The following MYCBP2 variants were observed in gnomAD, a reference collection of about 807,000 sequenced individuals.
MYCBP2 encodes the protein E3 ubiquitin-protein ligase MYCBP2.
Under a neutral mutation model 525.3 loss-of-function variants are expected in MYCBP2, and 120 were observed. The ratio of observed to expected loss-of-function variants is 0.23; its 90% CI spans 0.20 to 0.27. The LOEUF is 0.27. Among genes scored for constraint, MYCBP2 ranks in the 10% least tolerant of loss-of-function variants. The probability of loss-of-function intolerance (pLI) is 1.00; values close to 1 mark genes in which losing one functional copy is unlikely to be tolerated. For missense variants in MYCBP2, 4,149 were observed against 5,657.1 expected (o/e 0.73, Z 8.55); for synonymous variants, 1,894 against 1,955.8 (o/e 0.97, Z 0.83).
chr13:77,191,868 T>G, intron 27 of MYCBP2, 55 bp from the exon 28 acceptor site: 1 of 1,550,736 alleles, frequency 6.4e-7, no homozygotes, highest in South Asian at 1.2e-5. Flanking sequence ...CTGTCACATA[T>G]ATTTATTTTT....
intron 54 of MYCBP2, among the ~76,000 whole-genome samples, chr13:77,124,036 T>C (rs2154162601): frequency 6.6e-6 from 1 of 152,298 alleles, no homozygotes; most frequent in Admixed American, 6.5e-5. Flanking sequence ...CCATATCATC[T>C]TAGACTAAAA....
In MYCBP2 at chr13:77,160,539, T is replaced by A. The variant is rs907972672; in HGVS notation, c.6597+1367A>T. ...CAAGGTCTGGGTACCAGCCTTTGTT[T>A]CCCTTCTGAGTCTTCAAGAAGTCAC... is the stretch of plus-strand genomic sequence containing the variant. On this transcript the variant is annotated intron_variant, in intron 44 of 82. Coordinates refer to ENST00000544440, the MANE Select transcript of MYCBP2 (RefSeq NM_015057.5). 9.2e-5 allele frequency among the ~76,000 whole-genome samples: 14 copies of A among 152,348 alleles called. No homozygotes were observed. The East Asian group carries it at 1.7e-3, about 19-fold the overall frequency.
intron 8 of MYCBP2, 96 bp from the exon 9 acceptor site, chr13:77,264,098 G>T: frequency 2.3e-6 from 2 of 872,940 alleles, no homozygotes; most frequent in South Asian, 1.8e-5. Flanking sequence ...AGTTCTCCAC[G>T]CAATAAGGAT....
At chr13:77,225,241 C>G (rs1285176032) in intron 19 of MYCBP2, among the ~76,000 whole-genome samples, 194 bp downstream of exon 19, 1 of 152,144 alleles carries the variant, frequency 6.6e-6, no homozygotes, top group Non-Finnish European at 1.5e-5. Context: ...GATCTCTAGA[C>G]AAGTACCTGT....
Position 77,090,146 on chromosome 13 carries a change from A to C in MYCBP2, c.10485T>G (p.Val3495=). 1.2e-6 allele frequency: 2 copies of C among 1,612,562 alleles called. No homozygotes were observed. The highest frequency in any genetic ancestry group is 1.3e-5 in the African/African-American group (1 of 74,946). ...TAACTCTTCTTCTAGGAATAGCTTT[A>C]ACTCGTGCAGGTAAAATGGAGTGTT... ...DKQHSILPAR[V]KAIPRRRVNS... The change falls in exon 60 of 83, where the codon GTT becomes GTG. Residue 3495 remains valine, a synonymous_variant. Coordinates refer to ENST00000544440, the MANE Select transcript of MYCBP2 (RefSeq NM_015057.5).
chr13:77,083,702 ATT>A (rs1261111190), intron 62 of MYCBP2, among the ~76,000 whole-genome samples: 2 of 152,116 alleles, frequency 1.3e-5, no homozygotes, highest in African/African-American at 2.4e-5. Context: ...GTTGAATTTC[ATT>A]TCTCATTACA....
At chr13:77,293,493 G>A (rs1036896189) in intron 2 of MYCBP2, among the ~76,000 whole-genome samples, 1 of 152,116 alleles carries the variant, frequency 6.6e-6, no homozygotes, top group Non-Finnish European at 1.5e-5. Flanking sequence ...AGATATGGTA[G>A]GTAAATAATA....
At position 77,225,545 on chromosome 13, in the gene MYCBP2, C is replaced by T. The variant is rs769346215; in HGVS notation, c.2747G>A (p.Gly916Glu). Residue 916 changes from glycine to glutamate, a missense_variant, in exon 19 of 83, where the codon GGA (glycine) becomes GAA (glutamate). Gly to Glu is a moderately conservative substitution (Grantham distance 98). Coordinates refer to ENST00000544440, the MANE Select transcript of MYCBP2 (RefSeq NM_015057.5). ...GCTTGCATCCTTTTCGCCTCTTTCT[C>T]CACTTCCATCTGCAAGTGTTATAAT... ...HKRDKHKDGS[G>E]ERGEKDASKI... The T allele has an allele frequency of 1.9e-6, 3 of 1,613,464 alleles. No homozygotes were observed. Among genetic ancestry groups the T allele is most frequent in the Admixed American group, 3.3e-5 (2 of 59,916 alleles).
Position 77,051,984 on chromosome 13 carries a change from T to A in MYCBP2, c.13648-66A>T. On this transcript the variant is annotated intron_variant, in intron 80 of 82. Coordinates refer to ENST00000544440, the MANE Select transcript of MYCBP2 (RefSeq NM_015057.5). The stretch of plus-strand genomic sequence containing the variant: ...AAACTCTGGCATGGGAGATACAGTA[T>A]GGGCATAGTGAAAGTAAGATCTAGG... 3.3e-6 allele frequency: 4 copies of A among 1,197,348 alleles called. No homozygotes were observed. In the South Asian group the frequency reaches 5.1e-5, roughly 15 times the overall value. The allele number at this position is 1,197,348 out of a possible 1,614,324, so 74.2% of individuals were successfully genotyped here. A position where few individuals can be genotyped will look rare whatever the true frequency, so the allele number is the denominator to read the frequency against.
chr13:77,060,742 C>A (rs887616157), intron 76 of MYCBP2, among the ~76,000 whole-genome samples: 50 of 152,158 alleles, frequency 3.3e-4, no homozygotes, highest in South Asian at 8.3e-4. Context: ...ACAAAAACCT[C>A]TAAATATCAT....
At chr13:77,120,521 T>C (rs2050509299) in intron 55 of MYCBP2, among the ~76,000 whole-genome samples, 1 of 152,228 alleles carries the variant, frequency 6.6e-6, no homozygotes, top group African/African-American at 2.4e-5. Context: ...TCAAGTCCTG[T>C]GAATTAATTT....
chr13:77,196,049 G>A (rs748154888), intron 26 of MYCBP2, among the ~76,000 whole-genome samples: 54 of 152,194 alleles, frequency 3.5e-4, no homozygotes, highest in Admixed American at 2.6e-4. Flanking sequence ...GTCTATGGTT[G>A]GGAATTGAAT....
rs758706839 is a variant in MYCBP2, at chr13:77,062,655, G to A, written c.12715C>T (p.His4239Tyr). ...CTCCCCGAGGAGAGACGATCTACGT[G>A]GTCCTGATCAAGAACACATAGGGAT... ...LASLCVLDQD[H>Y]VDRLSSGRWM... is the part of the protein sequence containing the mutation. Residue 4239 changes from histidine to tyrosine, a missense_variant, in exon 74 of 83, where the codon CAC (histidine) becomes TAC (tyrosine). By Grantham distance (83) the His-to-Tyr change is moderately conservative. Around this residue, in one of 21 missense-constraint regions of MYCBP2, gnomAD observed 220 missense variants for 396.0 expected, o/e 0.56. Transcript: ENST00000544440. 2 of 1,614,102 alleles carry A rather than the reference G, an allele frequency of 1.2e-6. No homozygotes were observed. Among genetic ancestry groups the A allele is most frequent in the Admixed American group, 1.7e-5 (1 of 60,016 alleles).
rs2067792038 is a variant in MYCBP2, at chr13:77,235,525, C to T, written c.2630-2262G>A. Among the ~76,000 whole-genome samples, 3 of 151,994 alleles carry T rather than the reference C, an allele frequency of 2.0e-5. No homozygotes were observed. In the South Asian group the frequency reaches 6.2e-4, roughly 32 times the overall value. On this transcript the variant is annotated intron_variant, in intron 17 of 82. Coordinates refer to ENST00000544440, the MANE Select transcript of MYCBP2 (RefSeq NM_015057.5). ...TTGCTTGGAGAGGTATGCAAAAAAA[C>T]AGATAATTAAAACCTTTTTATACCA...
intron 22 of MYCBP2, among the ~76,000 whole-genome samples, 163 bp from the exon 23 acceptor site, chr13:77,211,483 C>T (rs887929671): frequency 2.0e-5 from 3 of 151,886 alleles, no homozygotes; most frequent in Non-Finnish European, 4.4e-5. Flanking sequence ...GGAATAAAAC[C>T]TCAAGATGTC....
At chr13:77,233,033 G>A in intron 18 of MYCBP2, 123 bp downstream of exon 18, 1 of 758,952 alleles carries the variant, frequency 1.3e-6, no homozygotes. Context: ...TTTCTCCTCA[G>A]GCTACATCAT....
chr13:77,239,221 C>T (rs1424367878), intron 17 of MYCBP2, among the ~76,000 whole-genome samples: 1 of 152,162 alleles, frequency 6.6e-6, no homozygotes, highest in Non-Finnish European at 1.5e-5. Flanking sequence ...AATAATCTAA[C>T]ATAACCTAAT....
chr13:77,238,242 CAAAAAAAAAAAAA>C (rs772175406), intron 17 of MYCBP2, among the ~76,000 whole-genome samples: 1 of 28,310 alleles, frequency 3.5e-5, no homozygotes, highest in African/African-American at 1.1e-4. Flanking sequence ...GACTCCGTCT[CAAAAAAAAAAAAA>C]AAAAAAAAAA....
chr13:77,275,820 C>T (rs985872134), intron 4 of MYCBP2, among the ~76,000 whole-genome samples: 6 of 152,028 alleles, frequency 3.9e-5, no homozygotes, highest in Admixed American at 6.6e-5. Flanking sequence ...CCTGTCTCTA[C>T]TAAAAATACA....
Sources: gnomAD v4.1 joint callset for allele counts (sites outside exome capture counted in the v4.1 genomes callset) on GRCh38, gnomAD v4.1.1 for gene constraint, gnomAD v4.1.1 regional missense constraint, MANE v1.5 for transcripts, NCBI Gene and HGNC (gene_info 2026-07-23, HGNC 2026-07-21) for gene names.